PIAS4: variants seen among roughly 807,000 people sequenced by gnomAD.
The protein encoded by PIAS4 is protein inhibitor of activated STAT 4.
In PIAS4, 7 loss-of-function variants were observed where a neutral mutation model predicts 58.0. The ratio of observed to expected loss-of-function variants is 0.12; its 90% CI spans 0.07 to 0.23. The LOEUF is 0.23. Among genes scored for constraint, PIAS4 ranks in the 10% least tolerant of loss-of-function variants. PIAS4 has a pLI of 1.00. For synonymous variants in PIAS4, 364 were observed against 312.4 expected (o/e 1.17, Z -1.74); for missense variants, 550 against 709.5 (o/e 0.78, Z 2.55).
chr19:4,031,787 C>T (rs1421110872), intron 7 of PIAS4, among the ~76,000 whole-genome samples: 1 of 152,222 alleles, frequency 6.6e-6, no homozygotes, highest in Non-Finnish European at 1.5e-5. Context: ...AAGTCCTCAC[C>T]TTTGCCTCAC....
At chr19:4,030,194 C>T (rs2144933631) in intron 7 of PIAS4, among the ~76,000 whole-genome samples, 1 of 142,298 alleles carries the variant, frequency 7.0e-6, no homozygotes, top group East Asian at 2.0e-4. Context: ...AACTCCTGAG[C>T]TCAAGCAGTG....
chr19:4,028,292 G>A (rs72976957), intron 4 of PIAS4, 105 bp downstream of exon 4: 145,647 of 843,822 alleles, frequency 0.17, 11,992 homozygotes, highest in Middle Eastern at 0.22. Context: ...CCTGCTAACA[G>A]CAGAGCCCAG....
At chr19:4,032,314 G>A (rs1568219992) in intron 7 of PIAS4, among the ~76,000 whole-genome samples, 1 of 152,152 alleles carries the variant, frequency 6.6e-6, no homozygotes, top group Non-Finnish European at 1.5e-5. Context: ...GCCAGGTGGT[G>A]GATGGAGAGG....
intron 2 of PIAS4, among the ~76,000 whole-genome samples, chr19:4,016,393 G>C (rs1352607649): frequency 1.3e-5 from 2 of 152,246 alleles, no homozygotes; most frequent in African/African-American, 4.8e-5. Context: ...CCCAGAGGCA[G>C]ATAGCCCTGG....
rs2040335176 is a variant in PIAS4, at chr19:4,039,196, C to T, written c.*1321C>T. The T allele has an allele frequency of 6.6e-6, 1 of 152,278 alleles. No individual in the cohort carries two copies. Among genetic ancestry groups the T allele is most frequent in the Non-Finnish European group, 1.5e-5 (1 of 68,074 alleles). 9.4% of individuals were successfully genotyped at this position (152,278 alleles called of 1,614,324 possible). On this transcript the variant is annotated 3_prime_UTR_variant, in exon 11 of 11. Transcript: ENST00000262971. ...AGAACTCCTAGTCAGGAAGCAATAT[C>T]ATTTCAGGTCTAAAGAAAGGGACGT...
At chr19:4,011,724 T>G (rs868425857) in intron 1 of PIAS4, among the ~76,000 whole-genome samples, 58 of 40,352 alleles carry the variant, frequency 1.4e-3, no homozygotes, top group African/African-American at 3.4e-3. Context: ...TGGAGGTGTG[T>G]GGGGTGTGGA....
At chr19:4,008,151 C>T (rs1036784816) in intron 1 of PIAS4, among the ~76,000 whole-genome samples, 1 of 152,122 alleles carries the variant, frequency 6.6e-6, no homozygotes, top group Non-Finnish European at 1.5e-5. Context: ...CTACTCGTTG[C>T]CCTCTTGGTT....
At position 4,033,486 on chromosome 19, in the gene PIAS4, G is replaced by A. The variant is rs368054611; in HGVS notation, c.1048G>A (p.Ala350Thr). ...CTGTGCCCACCTGCAGTGCTTCGAC[G>A]CCGTCTTCTACCTGCAGATGAACGA... The part of the protein sequence containing the change: ...ETCAHLQCFD[A>T]VFYLQMNEKK... Residue 350 changes from alanine (A) to threonine (T), a missense_variant, in exon 9 of 11, where the codon GCC (alanine) becomes ACC (threonine). Ala to Thr is a moderately conservative substitution (Grantham distance 58). This residue lies in a region of PIAS4 where 225 missense variants were observed against 345.8 expected (regional missense o/e 0.65). Transcript: ENST00000262971. The A allele has an allele frequency of 3.8e-6, 6 of 1,584,302 alleles. No individual in the cohort carries two copies. The highest frequency in any genetic ancestry group is 5.1e-6 in the Non-Finnish European group (6 of 1,166,386).
chr19:4,019,972 A>G (rs962805431), intron 2 of PIAS4, among the ~76,000 whole-genome samples: 6 of 150,930 alleles, frequency 4.0e-5, no homozygotes, highest in African/African-American at 1.5e-4. Context: ...GCTGGAGTGC[A>G]GCGGCAGGAT....
At position 4,037,855 on chromosome 19, in the gene PIAS4, G is replaced by A. The variant is rs764177800; in HGVS notation, c.1513G>A (p.Gly505Ser). 9 of 1,566,674 alleles carry A rather than the reference G, an allele frequency of 5.7e-6. No individual in the cohort carries two copies. In the East Asian group the frequency reaches 1.9e-4, roughly 33 times the overall value. ...CAAGCGCCGCTGCCCCTTCCAGAAG[G>A]GCCTGGTGCCGGCCTGCTGACCCCG... ...RPKRRCPFQK[G>S]LVPAC The change falls in exon 11 of 11, where the codon GGC becomes AGC. Residue 505 changes from glycine (G) to serine (S), a missense_variant. Gly to Ser is a moderately conservative substitution (Grantham distance 56). This residue lies in a region of PIAS4 where 188 missense variants were observed against 192.0 expected (regional missense o/e 0.98). Coordinates refer to ENST00000262971, the MANE Select transcript of PIAS4 (RefSeq NM_015897.4). The surrounding 1 kb of genome is among the most constrained non-coding windows in gnomAD (Gnocchi z 5.8).
intron 7 of PIAS4, among the ~76,000 whole-genome samples, chr19:4,029,398 C>T (rs1256656903): frequency 1.3e-5 from 2 of 152,168 alleles, no homozygotes; most frequent in Non-Finnish European, 2.9e-5. Flanking sequence ...GTCTAAGCAG[C>T]CCCTTCTCGT....
Position 4,033,029 on chromosome 19 carries a change from G to A in PIAS4, c.908-71G>A, listed in dbSNP as rs749450. 0.012 allele frequency: 14,513 copies of A among 1,239,582 alleles called. 1,249 individuals are homozygous for A. The African/African-American group carries it at 0.19, about 16-fold the overall frequency. 76.8% of individuals were successfully genotyped at this position (1,239,582 alleles called of 1,614,324 possible). A position where few individuals can be genotyped will look rare whatever the true frequency, so the allele number is the denominator to read the frequency against. On this transcript the variant is annotated intron_variant, in intron 7 of 10. Transcript: ENST00000262971. The stretch of plus-strand genomic sequence containing the variant: ...GGGAGGTGGACGTCAGTGCCGGAGA[G>A]AACTCGAATCACAGCCCCGCGCCCT...
In PIAS4 at chr19:4,037,347, C is replaced by A; in HGVS notation, c.1143-27C>A. ...TGGGGGGGTGGGGCACCTCCAGCCC[C>A]GGCGTCAGCTGTCCGCCTCGCCCCA... On this transcript the variant is annotated intron_variant, in intron 9 of 10. Transcript: ENST00000262971. This position sits in a 1 kb window ranked among gnomAD's most constrained non-coding sequence, Gnocchi z 5.8. The A allele has an allele frequency of 6.3e-7, 1 of 1,584,378 alleles. No individual in the cohort carries two copies. Among genetic ancestry groups the A allele is most frequent in the Non-Finnish European group, 8.6e-7 (1 of 1,162,704 alleles).
chr19:4,036,545 C>T (rs1054121396), intron 9 of PIAS4, among the ~76,000 whole-genome samples: 6 of 144,440 alleles, frequency 4.2e-5, no homozygotes, highest in African/African-American at 1.7e-4. Flanking sequence ...TACATGCACA[C>T]ATCTATACAG....
intron 3 of PIAS4, among the ~76,000 whole-genome samples, chr19:4,026,147 T>C (rs1314170429): frequency 1.3e-5 from 2 of 149,964 alleles, no homozygotes; most frequent in Non-Finnish European, 2.9e-5. Flanking sequence ...TTTTCTTTTT[T>C]TTTTTTGAAA....
At chr19:4,020,020 C>T (rs2040093536) in intron 2 of PIAS4, among the ~76,000 whole-genome samples, 1 of 151,988 alleles carries the variant, frequency 6.6e-6, no homozygotes, top group Non-Finnish European at 1.5e-5. Context: ...AGGTTCACGC[C>T]ATTCTCCTGC....
chr19:4,019,814 C>T (rs2040090760), intron 2 of PIAS4, among the ~76,000 whole-genome samples: 1 of 152,176 alleles, frequency 6.6e-6, no homozygotes, highest in African/African-American at 2.4e-5. Flanking sequence ...AGCCACAGAC[C>T]CGGCACCGGT....
At chr19:4,021,693 T>G (rs544759798) in intron 2 of PIAS4, among the ~76,000 whole-genome samples, 2 of 152,034 alleles carry the variant, frequency 1.3e-5, no homozygotes, top group Non-Finnish European at 2.9e-5. Flanking sequence ...GTGGTTTCTT[T>G]CCAAAATGTT....
At chr19:4,030,902 G>A (rs2144934729) in intron 7 of PIAS4, among the ~76,000 whole-genome samples, 1 of 152,272 alleles carries the variant, frequency 6.6e-6, no homozygotes, top group East Asian at 1.9e-4. Context: ...GAGTCATTTG[G>A]AGCTGGGAGT....
Sources: gnomAD v4.1 joint callset for allele counts (sites outside exome capture counted in the v4.1 genomes callset) on GRCh38, gnomAD v4.1.1 for gene constraint, gnomAD v4.1.1 regional missense constraint, Gnocchi (gnomAD v3.1) non-coding constraint, MANE v1.5 for transcripts, NCBI Gene and HGNC (gene_info 2026-07-23, HGNC 2026-07-21) for gene names.